MGAT4C: variants seen among roughly 807,000 people sequenced by gnomAD.
The protein encoded by MGAT4C is alpha-1,3-mannosyl-glycoprotein 4-beta-N-acetylglucosaminyltransferase C.
In MGAT4C, 19 loss-of-function variants were observed where a neutral mutation model predicts 40.1. That is an observed-to-expected ratio of 0.47 (90% CI 0.33 to 0.70). The LOEUF is 0.70. Ranked by LOEUF, MGAT4C falls within the 30% of genes least tolerant of loss-of-function variation. The pLI is 0.02. For synonymous variants in MGAT4C, 181 were observed against 187.1 expected (o/e 0.97, Z 0.27); for missense variants, 491 against 563.2 (o/e 0.87, Z 1.30).
intron 1 of MGAT4C, among the ~76,000 whole-genome samples, chr12:86,761,415 A>C (rs2085702965): frequency 6.6e-6 from 1 of 152,226 alleles, no homozygotes; most frequent in Admixed American, 6.5e-5. Context: ...GTAGTGGAAT[A>C]ATACAATGCA....
intron 4 of MGAT4C, among the ~76,000 whole-genome samples, chr12:86,328,323 C>T (rs546332754): frequency 1.4e-4 from 21 of 151,892 alleles, no homozygotes; most frequent in African/African-American, 4.6e-4. Context: ...AATAGAAGTC[C>T]CAGCCAGTGA....
chr12:86,757,547 C>A (rs1228278357), intron 1 of MGAT4C, among the ~76,000 whole-genome samples: 2 of 152,038 alleles, frequency 1.3e-5, no homozygotes, highest in Admixed American at 1.3e-4. Context: ...CCTGAGATAT[C>A]CCCATGGAAA....
intron 1 of MGAT4C, among the ~76,000 whole-genome samples, chr12:86,235,231 C>G (rs1468499699): frequency 6.6e-6 from 1 of 152,040 alleles, no homozygotes; most frequent in Admixed American, 6.6e-5. Context: ...ATCTACTCTT[C>G]TTCTTCCCCA....
At chr12:86,458,849 G>A (rs1840456582) in intron 2 of MGAT4C, among the ~76,000 whole-genome samples, 1 of 152,096 alleles carries the variant, frequency 6.6e-6, no homozygotes, top group South Asian at 2.1e-4. Flanking sequence ...ACCAATGCCA[G>A]GTTAATCACA....
At chr12:86,443,354 C>T (rs895500308) in intron 2 of MGAT4C, among the ~76,000 whole-genome samples, 1 of 152,116 alleles carries the variant, frequency 6.6e-6, no homozygotes, top group Admixed American at 6.5e-5. Context: ...AAATTTCAAC[C>T]CCTCATTTTG....
intron 2 of MGAT4C, among the ~76,000 whole-genome samples, chr12:86,653,044 AT>A (rs1963736946): frequency 1.3e-5 from 2 of 151,900 alleles, no homozygotes; most frequent in Non-Finnish European, 2.9e-5. Flanking sequence ...TTAAACTAAT[AT>A]TTTGTTTTAA....
intron 2 of MGAT4C, among the ~76,000 whole-genome samples, chr12:86,687,298 C>A (rs949414018): frequency 6.6e-6 from 1 of 152,110 alleles, no homozygotes; most frequent in Non-Finnish European, 1.5e-5. Flanking sequence ...CTCCTGGATT[C>A]ATTGATTTTT....
chr12:86,814,159 T>C (rs1190622505), intron 1 of MGAT4C, among the ~76,000 whole-genome samples: 1 of 151,706 alleles, frequency 6.6e-6, no homozygotes, highest in Admixed American at 6.6e-5. Flanking sequence ...CTGATAGATA[T>C]ATTTCTAAGC....
At chr12:86,265,727 T>C (rs1269690921) in intron 4 of MGAT4C, among the ~76,000 whole-genome samples, 1 of 152,214 alleles carries the variant, frequency 6.6e-6, no homozygotes, top group African/African-American at 2.4e-5. Context: ...TTTCAATGAA[T>C]CCGCAGATTC....
At chr12:86,064,646 T>C (rs1308495708) in intron 1 of MGAT4C, among the ~76,000 whole-genome samples, 1 of 151,672 alleles carries the variant, frequency 6.6e-6, no homozygotes, top group Non-Finnish European at 1.5e-5. Flanking sequence ...ACATCAAAAT[T>C]AAAAAGAACT....
At chr12:86,293,716 G>A (rs1236492519) in intron 4 of MGAT4C, among the ~76,000 whole-genome samples, 1 of 152,102 alleles carries the variant, frequency 6.6e-6, no homozygotes, top group Admixed American at 6.6e-5. Flanking sequence ...ACGTGTCAAG[G>A]GAGCACCCAG....
At chr12:86,353,258 G>A (rs1249441337) in intron 3 of MGAT4C, among the ~76,000 whole-genome samples, 1 of 151,926 alleles carries the variant, frequency 6.6e-6, no homozygotes, top group Non-Finnish European at 1.5e-5. Flanking sequence ...TTGCAGAATT[G>A]GCTAAGATAG....
intron 2 of MGAT4C, among the ~76,000 whole-genome samples, chr12:86,040,210 C>T (rs1891664691): frequency 6.6e-6 from 1 of 152,232 alleles, no homozygotes; most frequent in South Asian, 2.1e-4. Flanking sequence ...TCACAGGGGT[C>T]AGGGACCCAC....
chr12:86,274,790 C>T (rs1393082669), intron 4 of MGAT4C, among the ~76,000 whole-genome samples: 2 of 152,154 alleles, frequency 1.3e-5, no homozygotes, highest in Non-Finnish European at 2.9e-5. Flanking sequence ...AGTTGTTTGC[C>T]TCCAGACTTG....
chr12:86,421,726 G>A (rs539060934), intron 3 of MGAT4C, among the ~76,000 whole-genome samples: 4 of 152,244 alleles, frequency 2.6e-5, no homozygotes, highest in South Asian at 2.1e-4. Flanking sequence ...GCAGTGAGCC[G>A]AGATTGCGCC....
At position 86,362,659 on chromosome 12, in the gene MGAT4C, C is replaced by A. The variant is rs112690982; in HGVS notation, c.-119-28532G>T. ...AGAATGTGAGGGTGCGAGGTCAGAT[C>A]GAGACCATCCTCGCTAACACAGTGA... On this transcript the variant is annotated intron_variant, in intron 3 of 7. Coordinates refer to the MGAT4C transcript ENST00000548651. 6.5e-3 allele frequency among the ~76,000 whole-genome samples: 990 copies of A among 151,668 alleles called. 10 individuals carry two copies. The highest frequency in any genetic ancestry group is 0.023 in the African/African-American group (943 of 41,330).
chr12:86,299,866 G>A (rs1392277412), intron 4 of MGAT4C, among the ~76,000 whole-genome samples: 1 of 152,088 alleles, frequency 6.6e-6, no homozygotes, highest in African/African-American at 2.4e-5. Flanking sequence ...ATTTACCTAA[G>A]TAATAAGTAC....
In MGAT4C at chr12:85,960,667, G is replaced by A. The variant is rs537939061; in HGVS notation, c.*18622C>T. The A allele has an allele frequency of 2.0e-5, 3 of 152,010 alleles. No homozygotes were observed. The East Asian group carries it at 5.8e-4, about 29-fold the overall frequency. The allele number at this position is 152,010 out of a possible 1,614,324, so 9.4% of individuals were successfully genotyped here. A position where few individuals can be genotyped will look rare whatever the true frequency, so the allele number is the denominator to read the frequency against. On this transcript the variant is annotated 3_prime_UTR_variant, in exon 5 of 5. Transcript: ENST00000611864. ...GGAAATATCTTTCAAAGTGGGTAAT[G>A]AGAAAACTACTTTGAAGACTGTGCT... is the stretch of plus-strand genomic sequence containing the variant.
At chr12:86,756,833 G>T (rs1040900974) in intron 1 of MGAT4C, among the ~76,000 whole-genome samples, 1 of 152,066 alleles carries the variant, frequency 6.6e-6, no homozygotes, top group Admixed American at 6.6e-5. Flanking sequence ...TACTGACTTT[G>T]CCCTCAAAAC....
Sources: allele counts gnomAD v4.1 joint callset (sites outside exome capture counted in the v4.1 genomes callset), GRCh38; gene constraint gnomAD v4.1.1; transcripts MANE v1.5; gene names NCBI Gene and HGNC (gene_info 2026-07-23, HGNC 2026-07-21).